GRAMD4: variants seen among roughly 807,000 people sequenced by gnomAD.
The protein encoded by GRAMD4 is GRAM domain-containing protein 4.
A neutral mutation model predicts 83.9 loss-of-function variants in GRAMD4; 25 were observed. That is an observed-to-expected ratio of 0.30 (90% CI 0.22 to 0.42). The LOEUF (loss-of-function observed/expected upper bound fraction) is 0.42, where lower values mean the gene tolerates loss of function less well. Among genes scored for constraint, GRAMD4 ranks in the 10% least tolerant of loss-of-function variants. GRAMD4 has a pLI of 1.00. For missense variants in GRAMD4, 593 were observed against 788.7 expected (o/e 0.75, Z 2.97); for synonymous variants, 336 against 320.9 (o/e 1.05, Z -0.50).
chr22:46,593,219 T>G (rs2081227568), intron 1 of GRAMD4, among the ~76,000 whole-genome samples: 1 of 152,082 alleles, frequency 6.6e-6, no homozygotes, highest in Non-Finnish European at 1.5e-5. Flanking sequence ...AAGTCGTAAG[T>G]TCTGACTTTG....
chr22:46,602,007 C>T lies in GRAMD4; in HGVS notation c.-50+24717C>T, dbSNP rs113561208. On this transcript the variant is annotated intron_variant, in intron 1 of 1. Coordinates refer to the GRAMD4 transcript ENST00000431155. ...GTCTTTTTTCTCCTCTCCTCCTCCT[C>T]GTTTCCATAGACACATGGCCAGGCA... is the stretch of plus-strand genomic sequence containing the variant. 9.0e-3 allele frequency among the ~76,000 whole-genome samples: 1,371 copies of T among 152,280 alleles called. 11 individuals are homozygous for T. Among genetic ancestry groups the T allele is most frequent in the Middle Eastern group, 0.037 (11 of 294 alleles).
chr22:46,661,775 G>A (rs916142361), intron 5 of GRAMD4, among the ~76,000 whole-genome samples: 1 of 152,258 alleles, frequency 6.6e-6, no homozygotes, highest in Non-Finnish European at 1.5e-5. Flanking sequence ...TGATGTGAGA[G>A]CCACGCTGGT....
At chr22:46,602,732 G>A (rs149684139) in intron 1 of GRAMD4, among the ~76,000 whole-genome samples, 1 of 140,296 alleles carries the variant, frequency 7.1e-6, no homozygotes, top group East Asian at 2.1e-4. Context: ...AGGGCTGTTT[G>A]TTTTTCCTTT....
rs1461245172 is a variant in GRAMD4 at position 46,675,528 on chromosome 22, A to G, written c.1539A>G (p.Leu513=). The G allele has an allele frequency of 1.9e-6, 3 of 1,612,228 alleles. No homozygotes were observed. Among genetic ancestry groups the G allele is most frequent in the South Asian group, 2.2e-5 (2 of 91,052 alleles). ...GSSKRNKVIK[L]VDITDIQKYK... ...CAAAGAGGAACAAAGTCATCAAGCT[A>G]GTGGACATCACGGACATCCAGAAGG... is the stretch of plus-strand genomic sequence containing the variant. The change falls in exon 17 of 19, where the codon CTA becomes CTG. Residue 513 remains leucine, a synonymous_variant. Transcript: ENST00000406902.
At chr22:46,680,430 C>G (rs1420008786), downstream of GRAMD4, among the ~76,000 whole-genome samples, 1 of 151,908 alleles carries the variant, frequency 6.6e-6, no homozygotes, top group Non-Finnish European at 1.5e-5. Flanking sequence ...TGGAGCCAGG[C>G]GGAAACTAGG....
Position 46,591,692 on chromosome 22 carries a change from G to T in GRAMD4, c.-50+14402G>T, listed in dbSNP as rs1316592297. On this transcript the variant is annotated intron_variant, in intron 1 of 1. Transcript: ENST00000431155. The stretch of plus-strand genomic sequence containing the variant: ...TCTACTAAAAATAAAAATTAGCCGG[G>T]TGTGGTGGTGGGTGCCTGTAATCCC... Among the ~76,000 whole-genome samples the T allele has an allele frequency of 2.6e-5, 4 of 152,070 alleles. No individual in the cohort carries two copies. In the South Asian group the frequency reaches 6.2e-4, roughly 24 times the overall value.
At chr22:46,652,045 G>T (rs117822030) in intron 3 of GRAMD4, among the ~76,000 whole-genome samples, 1,720 of 152,278 alleles carry the variant, frequency 0.011, 16 homozygotes, top group Middle Eastern at 0.02. Context: ...TGACACGATT[G>T]TCTCGAGGGA....
In GRAMD4 at chr22:46,678,154, A is replaced by T; in HGVS notation, c.*903A>T. 1 of 985,628 alleles carries T rather than the reference A, an allele frequency of 1.0e-6. No individual in the cohort carries two copies. Among genetic ancestry groups the T allele is most frequent in the Non-Finnish European group, 1.2e-6 (1 of 830,070 alleles). 61.1% of individuals were successfully genotyped at this position (985,628 alleles called of 1,614,324 possible). On this transcript the variant is annotated 3_prime_UTR_variant, in exon 19 of 19. Coordinates refer to ENST00000406902, the MANE Select transcript of GRAMD4 (RefSeq NM_015124.5). Reference sequence around the variant, plus strand: ...CCGAGCACTGTGGCATGTCTGGCACATGGCCCCCAGGCTGCGGTTGCCTGG... The same window carrying T: ...CCGAGCACTGTGGCATGTCTGGCACTTGGCCCCCAGGCTGCGGTTGCCTGG...
At position 46,661,406 on chromosome 22, in the gene GRAMD4, C is replaced by A; in HGVS notation, c.430C>A (p.Pro144Thr). Residue 144 changes from proline to threonine, a missense_variant, in exon 5 of 19, where the codon CCC becomes ACC. Coordinates refer to ENST00000406902, the MANE Select transcript of GRAMD4 (RefSeq NM_015124.5). ...AACCGAGGAGCAGATGGCTCAGCAG[C>A]CCCCAAAAGGGCAGGCCCAGGCCAG... ...ARTEEQMAQQ[P>T]PKGQAQASNG... is the part of the protein sequence containing the mutation. 6.2e-7 allele frequency: 1 copy of A among 1,612,204 alleles called. No homozygotes were observed. The highest frequency in any genetic ancestry group is 8.5e-7 in the Non-Finnish European group (1 of 1,179,692).
chr22:46,593,086 T>C (rs1482266578), intron 1 of GRAMD4, among the ~76,000 whole-genome samples: 1 of 152,170 alleles, frequency 6.6e-6, no homozygotes, highest in African/African-American at 2.4e-5. Flanking sequence ...CGTTCTCAAA[T>C]ACTTGAGAGT....
chr22:46,655,441 G>A (rs10427909), intron 3 of GRAMD4, among the ~76,000 whole-genome samples: 1,616 of 152,288 alleles, frequency 0.011, 31 homozygotes, highest in African/African-American at 0.037. Flanking sequence ...CTGGGAGGCC[G>A]GTTAAGAACA....
Position 46,677,324 on chromosome 22 carries a change from G to C in GRAMD4, c.*73G>C. On this transcript the variant is annotated 3_prime_UTR_variant, in exon 19 of 19. Coordinates refer to ENST00000406902, the MANE Select transcript of GRAMD4 (RefSeq NM_015124.5). ...TTTCTTTTTTTTTTTTTACGATTTGGTAGTGGAAACAATTGGACATCCTCA... is the reference window on the plus strand; with the variant it reads ...TTTCTTTTTTTTTTTTTACGATTTGCTAGTGGAAACAATTGGACATCCTCA... 1 of 1,499,076 alleles carries C rather than the reference G, an allele frequency of 6.7e-7. No homozygotes were observed. 92.9% of individuals were successfully genotyped at this position (1,499,076 alleles called of 1,614,324 possible). A position where few individuals can be genotyped will look rare whatever the true frequency, so the allele number is the denominator to read the frequency against.
intron 1 of GRAMD4, among the ~76,000 whole-genome samples, chr22:46,583,839 T>G (rs987173929): frequency 1.3e-5 from 2 of 152,180 alleles, no homozygotes; most frequent in African/African-American, 4.8e-5. Context: ...CTCCTTCCAG[T>G]ACTGTTGCCT....
chr22:46,670,144 G>A (rs373288212), intron 13 of GRAMD4, among the ~76,000 whole-genome samples: 3 of 152,232 alleles, frequency 2.0e-5, no homozygotes, highest in South Asian at 2.1e-4. Flanking sequence ...TAGGCTTGGC[G>A]TGCTGCGCAG....
chr22:46,675,595 C>T (rs746403382), intron 17 of GRAMD4, 43 bp downstream of exon 17: 19 of 1,246,510 alleles, frequency 1.5e-5, no homozygotes, highest in East Asian at 4.6e-5. Flanking sequence ...GTGTTTTCTT[C>T]GTCACCTGAC....
intron 13 of GRAMD4, among the ~76,000 whole-genome samples, chr22:46,671,378 A>C (rs2082502256): frequency 6.6e-6 from 1 of 152,210 alleles, no homozygotes; most frequent in Non-Finnish European, 1.5e-5. Flanking sequence ...CCCCGTCTCT[A>C]CCAAAAATAC....
At chr22:46,601,083 G>T (rs1470730608) in intron 1 of GRAMD4, among the ~76,000 whole-genome samples, 2 of 152,112 alleles carry the variant, frequency 1.3e-5, no homozygotes, top group Non-Finnish European at 2.9e-5. Context: ...GGCGGAGGTT[G>T]CAGCCAGCTG....
At chr22:46,670,944 T>A (rs2082493218) in intron 13 of GRAMD4, 1 of 269,846 alleles carries the variant, frequency 3.7e-6, no homozygotes, top group African/African-American at 2.2e-5. Flanking sequence ...GTTTGGGTTC[T>A]CACAACCACC....
intron 1 of GRAMD4, among the ~76,000 whole-genome samples, chr22:46,590,602 G>C (rs750372738): frequency 1.3e-5 from 2 of 152,258 alleles, no homozygotes; most frequent in Non-Finnish European, 2.9e-5. Context: ...TGGGAGGGGA[G>C]AAACCCGGGC....
Sources: gnomAD v4.1 joint callset for allele counts (sites outside exome capture counted in the v4.1 genomes callset) on GRCh38, gnomAD v4.1.1 for gene constraint, MANE v1.5 for transcripts, NCBI Gene and HGNC (gene_info 2026-07-23, HGNC 2026-07-21) for gene names.